Variants in LYPD6 observed in about 807,000 individuals in gnomAD.
LYPD6 encodes LY6/PLAUR domain containing 6.
LYPD6 carries 15 observed loss-of-function variants against 22.7 expected under a neutral mutation model. That is an observed-to-expected ratio of 0.66 (90% CI 0.44 to 1.02). LYPD6 has a LOEUF of 1.02. Among genes scored for constraint, LYPD6 ranks in the 50% least tolerant of loss-of-function variants. The pLI is 0.00. For missense variants in LYPD6, 189 were observed against 208.4 expected (o/e 0.91, Z 0.57); for synonymous variants, 72 against 77.5 (o/e 0.93, Z 0.37).
intron 1 of LYPD6, among the ~76,000 whole-genome samples, chr2:149,343,333 A>T (rs74370817): frequency 6.9e-6 from 1 of 145,714 alleles, no homozygotes; most frequent in African/African-American, 2.8e-5. Context: ...ATAATAGATT[A>T]AAAAAAAACT....
intron 1 of LYPD6, among the ~76,000 whole-genome samples, chr2:149,358,417 A>G (rs1681509749): frequency 6.6e-6 from 1 of 152,212 alleles, no homozygotes; most frequent in South Asian, 2.1e-4. Context: ...GGTTGCATTC[A>G]GGGATTGCTT....
At chr2:149,438,404 T>G (rs1683483280) in intron 2 of LYPD6, among the ~76,000 whole-genome samples, 1 of 152,210 alleles carries the variant, frequency 6.6e-6, no homozygotes, top group Non-Finnish European at 1.5e-5. Flanking sequence ...TTCAAGTACT[T>G]CTGCTGCAGA....
intron 1 of LYPD6, among the ~76,000 whole-genome samples, chr2:149,399,669 A>C (rs534952947): frequency 5.8e-4 from 87 of 150,340 alleles, no homozygotes; most frequent in Non-Finnish European, 9.9e-4. Flanking sequence ...GTGGAAAAAA[A>C]CCAAATAAAA....
intron 1 of LYPD6, among the ~76,000 whole-genome samples, chr2:149,345,412 T>G (rs192623501): frequency 1.3e-5 from 2 of 150,780 alleles, no homozygotes; most frequent in Admixed American, 1.3e-4. Context: ...GTTCATGCCA[T>G]TCCCTGGCCT....
At chr2:149,332,593 C>T (rs975946005) in intron 1 of LYPD6, among the ~76,000 whole-genome samples, 1 of 152,182 alleles carries the variant, frequency 6.6e-6, no homozygotes, top group Admixed American at 6.5e-5. Context: ...ATTGACTTTT[C>T]CAAGATCAAT....
chr2:149,425,433 G>A (rs1683168716), intron 1 of LYPD6, among the ~76,000 whole-genome samples: 1 of 152,192 alleles, frequency 6.6e-6, no homozygotes, highest in Admixed American at 6.5e-5. Flanking sequence ...AGCATGATGA[G>A]TGGGTGAATG....
At chr2:149,345,306 A>AT (rs3073147) in intron 1 of LYPD6, among the ~76,000 whole-genome samples, 6,519 of 127,260 alleles carry the variant, frequency 0.051, 653 homozygotes, top group African/African-American at 0.18. Flanking sequence ...CTTAATTTAA[A>AT]TTTTTTTTTT....
intron 1 of LYPD6, among the ~76,000 whole-genome samples, chr2:149,338,349 G>T (rs1483261990): frequency 6.6e-6 from 1 of 152,102 alleles, no homozygotes; most frequent in Non-Finnish European, 1.5e-5. Flanking sequence ...TGATAAGCTA[G>T]AATCTTTTAA....
chr2:149,469,307 G>T (rs1042638730), intron 4 of LYPD6, among the ~76,000 whole-genome samples: 1 of 152,090 alleles, frequency 6.6e-6, no homozygotes, highest in Non-Finnish European at 1.5e-5. Context: ...GCCTGTATAC[G>T]GAAACACATG....
chr2:149,394,671 TGTG>T (rs1177030895), intron 1 of LYPD6, among the ~76,000 whole-genome samples: 1 of 152,170 alleles, frequency 6.6e-6, no homozygotes, highest in Non-Finnish European at 1.5e-5. Context: ...TGCACTGGTG[TGTG>T]GCATGGGTAT....
At chr2:149,398,948 G>A (rs1682488767) in intron 1 of LYPD6, among the ~76,000 whole-genome samples, 1 of 152,188 alleles carries the variant, frequency 6.6e-6, no homozygotes, top group African/African-American at 2.4e-5. Context: ...ATTGCTAAGA[G>A]ATTACCTCCA....
At chr2:149,388,538 G>T (rs1682239539) in intron 1 of LYPD6, among the ~76,000 whole-genome samples, 1 of 151,928 alleles carries the variant, frequency 6.6e-6, no homozygotes, top group African/African-American at 2.4e-5. Flanking sequence ...GCACAAGAAG[G>T]TCCTTATGCA....
At chr2:149,373,835 AT>A (rs1407594159) in intron 1 of LYPD6, among the ~76,000 whole-genome samples, 6 of 152,208 alleles carry the variant, frequency 3.9e-5, no homozygotes, top group Admixed American at 2.6e-4. Flanking sequence ...TATAAGCTTA[AT>A]TCTATTATGT....
At chr2:149,423,559 C>T (rs1283486687) in intron 1 of LYPD6, among the ~76,000 whole-genome samples, 2 of 152,068 alleles carry the variant, frequency 1.3e-5, no homozygotes, top group African/African-American at 2.4e-5. Context: ...GAAAAGTGTC[C>T]TAGCCAGGGT....
rs189640499 is a variant in LYPD6 at position 149,471,774 on chromosome 2, C to T, written c.*924C>T. The T allele has an allele frequency of 6.5e-6, 1 of 152,758 alleles. No homozygotes were observed. Among genetic ancestry groups the T allele is most frequent in the East Asian group, 1.9e-4 (1 of 5,184 alleles). 9.5% of individuals were successfully genotyped at this position (152,758 alleles called of 1,614,324 possible). A position where few individuals can be genotyped will look rare whatever the true frequency, so the allele number is the denominator to read the frequency against. On this transcript the variant is annotated 3_prime_UTR_variant, in exon 5 of 5. Transcript: ENST00000334166. ...GTGTGGAGATTAGTCCTAGTTCATT[C>T]TGAGGGCCGACTAAGTGGCTCAGCC...
intron 3 of LYPD6, among the ~76,000 whole-genome samples, chr2:149,457,467 T>TG (rs1176645552): frequency 6.6e-6 from 1 of 152,164 alleles, no homozygotes; most frequent in Non-Finnish European, 1.5e-5. Flanking sequence ...CCAACAAGAA[T>TG]GGGCCTGATT....
intron 1 of LYPD6, among the ~76,000 whole-genome samples, chr2:149,331,241 C>G (rs1680932675): frequency 1.3e-5 from 2 of 152,212 alleles, no homozygotes; most frequent in South Asian, 4.1e-4. Flanking sequence ...CAAGACCACG[C>G]TAGGCCTTTC....
intron 2 of LYPD6, among the ~76,000 whole-genome samples, chr2:149,447,981 C>T (rs1243756041): frequency 1.3e-5 from 2 of 152,108 alleles, no homozygotes; most frequent in Admixed American, 1.3e-4. Context: ...CAGTTTGTCC[C>T]AGTGGTGACA....
intron 1 of LYPD6, among the ~76,000 whole-genome samples, chr2:149,420,909 A>G (rs1302154650): frequency 6.6e-6 from 1 of 152,198 alleles, no homozygotes; most frequent in Non-Finnish European, 1.5e-5. Context: ...CAGAAGCATT[A>G]TAAGGTTTCC....
Sources: allele counts gnomAD v4.1 joint callset (sites outside exome capture counted in the v4.1 genomes callset), GRCh38; gene constraint gnomAD v4.1.1; transcripts MANE v1.5; gene names NCBI Gene and HGNC (gene_info 2026-07-23, HGNC 2026-07-21).